Variants in GNG7 observed in about 807,000 individuals in gnomAD.
GNG7 encodes G protein subunit gamma 7.
In GNG7, 1 loss-of-function variant was observed where a neutral mutation model predicts 4.0. That is an observed-to-expected ratio of 0.25 (90% confidence interval 0.09 to 1.18). GNG7 has a LOEUF of 1.18. Among genes scored for constraint, GNG7 ranks in the 50% most tolerant of loss-of-function variants. The pLI is 0.50. For missense variants in GNG7, 86 were observed against 91.9 expected (o/e 0.94, Z 0.26); for synonymous variants, 34 against 36.9 (o/e 0.92, Z 0.29).
intron 2 of GNG7, among the ~76,000 whole-genome samples, chr19:2,570,161 C>T (rs57286707): frequency 0.16 from 23,888 of 151,938 alleles, 2,161 homozygotes; most frequent in East Asian, 0.39. Context: ...CCTCCTCCCT[C>T]CTTTCTCTCG....
intron 2 of GNG7, among the ~76,000 whole-genome samples, chr19:2,625,194 G>A (rs566902479): frequency 3.3e-5 from 5 of 152,074 alleles, no homozygotes; most frequent in South Asian, 4.2e-4. Flanking sequence ...TCAGCCTCCC[G>A]AATAGCTGGG....
intron 2 of GNG7, among the ~76,000 whole-genome samples, chr19:2,568,324 CAT>C (rs374707609): frequency 1.5e-4 from 23 of 150,816 alleles, no homozygotes; most frequent in Non-Finnish European, 2.2e-4. Context: ...CGCACACACA[CAT>C]ATACACACAT....
At chr19:2,588,651 C>T (rs1568254124) in intron 2 of GNG7, among the ~76,000 whole-genome samples, 1 of 152,218 alleles carries the variant, frequency 6.6e-6, no homozygotes, top group Non-Finnish European at 1.5e-5. Flanking sequence ...CGCATCTAAC[C>T]TTGGCCCGTT....
intron 1 of GNG7, among the ~76,000 whole-genome samples, chr19:2,695,461 G>A (rs1042601779): frequency 3.9e-5 from 6 of 152,294 alleles, no homozygotes; most frequent in Non-Finnish European, 7.3e-5. Context: ...CCAGGGCCTG[G>A]CACCAGTTCT....
intron 3 of GNG7, chr19:2,538,763 T>A (rs1046719657): frequency 1.1e-5 from 4 of 368,370 alleles, no homozygotes. Flanking sequence ...GATATATATA[T>A]TTTTCTTTTT....
At chr19:2,657,546 C>T (rs1318170760) in intron 1 of GNG7, among the ~76,000 whole-genome samples, 1 of 150,770 alleles carries the variant, frequency 6.6e-6, no homozygotes, top group Non-Finnish European at 1.5e-5. Flanking sequence ...CCCAAGGATC[C>T]TTTTCAAAAA....
chr19:2,576,541 G>T (rs916453197), intron 2 of GNG7, among the ~76,000 whole-genome samples: 7 of 152,066 alleles, frequency 4.6e-5, no homozygotes, highest in Admixed American at 2.6e-4. Context: ...ATTTTATTAT[G>T]TATTTATTTA....
At chr19:2,549,876 G>A (rs1404113273) in intron 3 of GNG7, among the ~76,000 whole-genome samples, 1 of 152,220 alleles carries the variant, frequency 6.6e-6, no homozygotes, top group Non-Finnish European at 1.5e-5. Context: ...CCAAGATGAG[G>A]TTTTGATGAC....
At chr19:2,527,643 C>T (rs760194391) in intron 3 of GNG7, among the ~76,000 whole-genome samples, 2 of 152,210 alleles carry the variant, frequency 1.3e-5, no homozygotes, top group Non-Finnish European at 2.9e-5. Context: ...ACCTGATCTA[C>T]ACCGGGAAGT....
chr19:2,537,271 G>T (rs943026673), intron 3 of GNG7, among the ~76,000 whole-genome samples: 2 of 149,158 alleles, frequency 1.3e-5, no homozygotes, highest in African/African-American at 4.9e-5. Flanking sequence ...TTAGAGCCAG[G>T]TTCTCACTCT....
Position 2,520,861 on chromosome 19 carries a change from C to A in GNG7, c.-37-136G>T, listed in dbSNP as rs547244865. On this transcript the variant is annotated intron_variant, in intron 3 of 4. Coordinates refer to ENST00000382159, the MANE Select transcript of GNG7 (RefSeq NM_052847.3). The stretch of plus-strand genomic sequence containing the variant: ...CCTCTGGGTGGGGACCAGGGGCCTC[C>A]GTGTACAAAGAGCTGGCACTCGTTT... 8.7e-6 allele frequency: 5 copies of A among 575,332 alleles called. No individual in the cohort carries two copies. The Admixed American group carries it at 1.5e-4, about 17-fold the overall frequency. 35.6% of individuals were successfully genotyped at this position (575,332 alleles called of 1,614,324 possible).
intron 3 of GNG7, among the ~76,000 whole-genome samples, chr19:2,550,400 T>A (rs1979280204): frequency 6.6e-6 from 1 of 152,200 alleles, no homozygotes; most frequent in Admixed American, 6.5e-5. Context: ...AATTTTTTTA[T>A]TTTTTGGTAG....
intron 2 of GNG7, among the ~76,000 whole-genome samples, chr19:2,563,240 G>C (rs575509659): frequency 6.6e-6 from 1 of 152,030 alleles, no homozygotes. Context: ...GAGCCACTGC[G>C]TCCGGCCCAG....
chr19:2,592,949 C>G (rs548692846), intron 2 of GNG7, among the ~76,000 whole-genome samples: 1 of 95,778 alleles, frequency 1.0e-5, no homozygotes, highest in African/African-American at 4.2e-5. Context: ...GAAGGAAGGA[C>G]GGAAGAAAGA....
chr19:2,580,569 G>A (rs10410220), intron 2 of GNG7, among the ~76,000 whole-genome samples: 2,580 of 152,020 alleles, frequency 0.017, 83 homozygotes, highest in African/African-American at 0.059. Flanking sequence ...GGGATTGCAG[G>A]CATGAACCAC....
At chr19:2,655,960 G>A (rs1320230977) in intron 1 of GNG7, among the ~76,000 whole-genome samples, 3 of 149,518 alleles carry the variant, frequency 2.0e-5, no homozygotes, top group Non-Finnish European at 4.4e-5. Context: ...GGGAGGCAGA[G>A]GTTGCAGTGA....
intron 1 of GNG7, among the ~76,000 whole-genome samples, chr19:2,695,792 C>T (rs766060171): frequency 3.3e-5 from 5 of 152,100 alleles, no homozygotes; most frequent in African/African-American, 7.3e-5. Context: ...GAGGCTGATT[C>T]GTCACCTCGG....
At chr19:2,627,212 G>T (rs1037234541) in intron 2 of GNG7, among the ~76,000 whole-genome samples, 1 of 151,690 alleles carries the variant, frequency 6.6e-6, no homozygotes, top group African/African-American at 2.4e-5. Flanking sequence ...GCTGGGTGAT[G>T]TCTGGGGATA....
At chr19:2,524,840 G>T (rs57606556) in intron 3 of GNG7, among the ~76,000 whole-genome samples, 1 of 152,208 alleles carries the variant, frequency 6.6e-6, no homozygotes. Context: ...GTGTGTGTAC[G>T]TCACTGTAGG....
Sources: allele counts gnomAD v4.1 joint callset (sites outside exome capture counted in the v4.1 genomes callset), GRCh38; gene constraint gnomAD v4.1.1; transcripts MANE v1.5; gene names NCBI Gene and HGNC (gene_info 2026-07-23, HGNC 2026-07-21).